The following NDRG2 variants were observed in gnomAD, a reference collection of about 807,000 sequenced individuals.
NDRG2 encodes the protein NDRG family member 2.
Under a neutral mutation model 58.2 loss-of-function variants are expected in NDRG2, and 34 were observed. The ratio of observed to expected loss-of-function variants is 0.58; its 90% CI spans 0.44 to 0.78. The LOEUF (loss-of-function observed/expected upper bound fraction) is 0.78. NDRG2 is among the 30% of genes least tolerant of loss of function. The pLI is 0.00. For synonymous variants in NDRG2, 187 were observed against 175.9 expected (o/e 1.06, Z -0.50); for missense variants, 434 against 471.2 (o/e 0.92, Z 0.73).
At chr14:21,057,919 C>CT (rs771014004) in intron 1 of NDRG2, 5 of 1,613,952 alleles carry the variant, frequency 3.1e-6, no homozygotes, top group Non-Finnish European at 1.7e-6. Context: ...CAGGATGCTG[C>CT]CCCCTGCTGC....
chr14:21,029,958 C>T (rs566122134), upstream of NDRG2, among the ~76,000 whole-genome samples: 3 of 152,328 alleles, frequency 2.0e-5, no homozygotes, highest in African/African-American at 7.2e-5. Flanking sequence ...CTTCCCTGGG[C>T]TCGCCTCAGC....
At chr14:21,023,113 G>C in intron 2 of NDRG2, 128 bp downstream of exon 2, 2 of 920,476 alleles carry the variant, frequency 2.2e-6, no homozygotes, top group Non-Finnish European at 3.4e-6. Context: ...TATGGGGAGA[G>C]AGACTAGGGT....
At chr14:21,028,145 C>T (rs1004958249), upstream of NDRG2, among the ~76,000 whole-genome samples, 8 of 152,186 alleles carry the variant, frequency 5.3e-5, no homozygotes, top group South Asian at 4.1e-4. Context: ...TATGCTCCTT[C>T]CACTCCCAAG....
chr14:21,034,090 C>A, intron 1 of NDRG2: 8 of 1,614,170 alleles, frequency 5.0e-6, no homozygotes, highest in Non-Finnish European at 6.8e-6. Flanking sequence ...TTTGGGCAAT[C>A]TGAATTTTGC....
chr14:21,069,643 A>G (rs1886514919), intron 1 of NDRG2, among the ~76,000 whole-genome samples: 1 of 152,180 alleles, frequency 6.6e-6, no homozygotes, highest in African/African-American at 2.4e-5. Flanking sequence ...CGCCTTCCCC[A>G]GGCAACACAG....
rs1884678825 is a variant in NDRG2 at position 21,037,148 on chromosome 14, C to T, written c.25-13827G>A. Among the ~76,000 whole-genome samples the T allele has an allele frequency of 2.6e-5, 4 of 152,210 alleles. No homozygotes were observed. In the South Asian group the frequency reaches 6.2e-4, roughly 24 times the overall value. On this transcript the variant is annotated intron_variant, in intron 1 of 14. Transcript: ENST00000403829. ...CCCACCCAACACCACTCACTTCTGC[C>T]GCACAATTACAGAAACTGAACAGCA...
chr14:21,025,609 G>A, upstream of NDRG2: 1 of 985,468 alleles, frequency 1.0e-6, no homozygotes, highest in Non-Finnish European at 1.2e-6. The surrounding 1 kb of genome is among the most constrained non-coding windows in gnomAD (Gnocchi z 5.1). Context: ...TGCTGGCGCC[G>A]AAAGGGGGCA....
In NDRG2 at chr14:21,019,135, C is replaced by T. The variant is rs780017912; in HGVS notation, c.742G>A (p.Gly248Arg). ...NNRRDLNFERGGDITLRCPVM... is the reference protein window; with the variant it reads ...NNRRDLNFERRGDITLRCPVM... The stretch of plus-strand genomic sequence containing the variant: ...TCTTACCTGAGGGTGATATCACCTC[C>T]ACGCTCAAAGTTCAGGTCTCGGCGG... Residue 248 changes from glycine (G) to arginine (R), a missense_variant, in exon 11 of 16, where the codon GGA becomes AGA. Transcript: ENST00000556147. 7 of 1,611,360 alleles carry T rather than the reference C, an allele frequency of 4.3e-6. No individual in the cohort carries two copies. Among genetic ancestry groups the T allele is most frequent in the Non-Finnish European group, 5.9e-6 (7 of 1,179,216 alleles).
rs146355728 is a variant in NDRG2, at chr14:21,042,448, G to T, written c.25-19127C>A. ...CACGAAGACCAAGCGCAAAGGTGAG[G>T]CTGTGGCAGGATCTGGGGAGGAGTG... On this transcript the variant is annotated intron_variant, in intron 1 of 14. Coordinates refer to the NDRG2 transcript ENST00000403829. 8.1e-3 allele frequency: 1,319 copies of T among 162,802 alleles called. 13 individuals are homozygous for T. The highest frequency in any genetic ancestry group is 0.011 in the Admixed American group (195 of 18,052). 10.1% of individuals were successfully genotyped at this position (162,802 alleles called of 1,614,324 possible).
At chr14:21,045,875 C>T (rs1417138151) in intron 1 of NDRG2, among the ~76,000 whole-genome samples, 2 of 152,116 alleles carry the variant, frequency 1.3e-5, no homozygotes, top group African/African-American at 4.8e-5. Flanking sequence ...GGGGAGCCTT[C>T]TGAGGACCTG....
chr14:21,067,149 A>G lies in NDRG2; in HGVS notation c.24+3679T>C, dbSNP rs1439311902. ...CTTGGTGCACATAAACCAGGCAATA[A>G]GCAGTACAGACACAGGTGTTTCTTC... is the stretch of plus-strand genomic sequence containing the variant. On this transcript the variant is annotated intron_variant, in intron 1 of 14. Transcript: ENST00000403829. 3.9e-5 allele frequency among the ~76,000 whole-genome samples: 6 copies of G among 152,232 alleles called. No homozygotes were observed. The East Asian group carries it at 1.2e-3, about 29-fold the overall frequency.
intron 1 of NDRG2, chr14:21,033,723 C>A: frequency 1.1e-6 from 1 of 911,860 alleles, no homozygotes; most frequent in Non-Finnish European, 1.8e-6. Context: ...CTGCCTGCCT[C>A]GTAAGTCAGG....
In NDRG2 at chr14:21,058,932, CACTT is replaced by C. The variant is rs1256045833; in HGVS notation, c.24+11892_24+11895del. ...CCAAGGCCCTGAAAAGGCCCTGAAA[CACTT>C]ACTTCTGTGAGGCATCAGCTCCACC... On this transcript the variant is annotated intron_variant, in intron 1 of 14. Coordinates refer to the NDRG2 transcript ENST00000403829. Among the ~76,000 whole-genome samples the C allele has an allele frequency of 2.4e-5, 3 of 123,808 alleles. No individual in the cohort carries two copies. In the Admixed American group the frequency reaches 2.5e-4, roughly 10 times the overall value. 81.2% of individuals were successfully genotyped at this position (123,808 alleles called of 152,430 possible).
chr14:21,034,412 C>G (rs1884478323), intron 1 of NDRG2: 1 of 720,286 alleles, frequency 1.4e-6, no homozygotes, highest in African/African-American at 1.8e-5. Flanking sequence ...TCACCCATAA[C>G]CAAGTTCTCA....
intron 11 of NDRG2, 110 bp from the exon 12 acceptor site, chr14:21,018,924 T>C (rs1878479870): frequency 7.1e-7 from 1 of 1,405,416 alleles, no homozygotes; most frequent in Admixed American, 1.9e-5. Context: ...GAAAGACACT[T>C]CTGTGTCTCC....
chr14:21,025,108 C>T (rs1242306255), upstream of NDRG2: 2 of 985,162 alleles, frequency 2.0e-6, no homozygotes, highest in Non-Finnish European at 2.4e-6. The surrounding 1 kb of genome is among the most constrained non-coding windows in gnomAD (Gnocchi z 5.1). Flanking sequence ...GCAGACCCGC[C>T]CCCGGCCCGC....
chr14:21,026,011 C>T (rs1259173508), upstream of NDRG2, among the ~76,000 whole-genome samples: 1 of 152,134 alleles, frequency 6.6e-6, no homozygotes, highest in Non-Finnish European at 1.5e-5. Flanking sequence ...TCGCCGCTAA[C>T]CCCTCCCAGT....
chr14:21,052,089 G>A (rs993853960), intron 1 of NDRG2, among the ~76,000 whole-genome samples: 1 of 152,200 alleles, frequency 6.6e-6, no homozygotes, highest in Non-Finnish European at 1.5e-5. Context: ...ACAAGTGTCA[G>A]AACCAGGGGG....
chr14:21,023,021 G>A, intron 2 of NDRG2, 116 bp from the exon 3 acceptor site: 4 of 1,243,672 alleles, frequency 3.2e-6, no homozygotes, highest in Non-Finnish European at 4.6e-6. Flanking sequence ...ACCAAAGACA[G>A]AAAGAGATTG....
Sources: allele counts gnomAD v4.1 joint callset (sites outside exome capture counted in the v4.1 genomes callset), GRCh38; gene constraint gnomAD v4.1.1; non-coding constraint Gnocchi (gnomAD v3.1); transcripts MANE v1.5; gene names NCBI Gene and HGNC (gene_info 2026-07-23, HGNC 2026-07-21).